The following KLF12 variants were observed in gnomAD, a reference collection of about 807,000 sequenced individuals.
KLF12 encodes the protein Krueppel-like factor 12.
KLF12 carries 9 observed loss-of-function variants against 37.8 expected under a neutral mutation model. The ratio of observed to expected loss-of-function variants is 0.24; its 90% confidence interval spans 0.14 to 0.42. The LOEUF (loss-of-function observed/expected upper bound fraction) is 0.42. Ranked by LOEUF, KLF12 falls within the 10% of genes least tolerant of loss-of-function variation. The probability of loss-of-function intolerance (pLI) is 1.00; values close to 1 mark genes in which losing one functional copy is unlikely to be tolerated. For missense variants in KLF12, 411 were observed against 516.0 expected, an observed-to-expected ratio of 0.80 and a Z score of 1.97; for synonymous variants, 208 against 202.1, an observed-to-expected ratio of 1.03 and a Z score of -0.25.
At chr13:73,865,345 C>A (rs1282507850) in intron 3 of KLF12, among the ~76,000 whole-genome samples, 1 of 152,052 alleles carries the variant, frequency 6.6e-6, no homozygotes, top group Non-Finnish European at 1.5e-5. Flanking sequence ...AAAAGAAAAG[C>A]CCAAATTTCA....
the KLF12 span, among the ~76,000 whole-genome samples, chr13:74,271,532 C>T: frequency 6.6e-6 from 1 of 152,080 alleles, no homozygotes; most frequent in African/African-American, 2.4e-5. Flanking sequence ...GACTGTGTTG[C>T]ATTTATAATA....
intron 1 of KLF12, among the ~76,000 whole-genome samples, chr13:74,092,533 A>C (rs925399960): frequency 6.6e-6 from 1 of 152,030 alleles, no homozygotes; most frequent in Non-Finnish European, 1.5e-5. Context: ...CTGAGGCAGG[A>C]GAAATGCTTG....
chr13:74,003,832 C>T (rs1892344112), intron 1 of KLF12, among the ~76,000 whole-genome samples: 1 of 152,084 alleles, frequency 6.6e-6, no homozygotes, highest in Non-Finnish European at 1.5e-5. Context: ...TTCACAAATA[C>T]TCCAAAAAAT....
chr13:73,856,744 T>C (rs545648874), intron 3 of KLF12, among the ~76,000 whole-genome samples: 62 of 152,048 alleles, frequency 4.1e-4, no homozygotes, highest in Non-Finnish European at 7.8e-4. Flanking sequence ...ATCCCAACAA[T>C]TTGGGAGGCG....
chr13:73,731,577 A>T (rs1008845185), intron 6 of KLF12, among the ~76,000 whole-genome samples: 2 of 149,044 alleles, frequency 1.3e-5, no homozygotes, highest in African/African-American at 2.5e-5. Context: ...TTATTCAGTC[A>T]TTTAACATTC....
At chr13:74,088,225 T>C (rs922286283) in intron 1 of KLF12, among the ~76,000 whole-genome samples, 4 of 152,046 alleles carry the variant, frequency 2.6e-5, no homozygotes, top group African/African-American at 9.7e-5. Flanking sequence ...CAGAGGAATT[T>C]AACCCACCAT....
At chr13:73,981,516 A>G in intron 2 of KLF12, among the ~76,000 whole-genome samples, 1 of 152,238 alleles carries the variant, frequency 6.6e-6, no homozygotes, top group East Asian at 1.9e-4. Context: ...TCATAAAAAT[A>G]TAAACAGTAT....
the KLF12 span, among the ~76,000 whole-genome samples, chr13:74,294,772 C>T: frequency 6.6e-6 from 1 of 152,162 alleles, no homozygotes; most frequent in Admixed American, 6.5e-5. Flanking sequence ...ATATTTCTCT[C>T]TTCTCCATCC....
At chr13:73,800,861 C>CCTAAA (rs1306818638) in intron 5 of KLF12, 10 of 151,998 alleles carry the variant, frequency 6.6e-5, no homozygotes, top group Admixed American at 5.2e-4. Context: ...GTTTAGAATT[C>CCTAAA]CTTTCTCCAC....
the KLF12 span, among the ~76,000 whole-genome samples, chr13:74,182,441 C>A: frequency 1.3e-5 from 2 of 152,192 alleles, no homozygotes; most frequent in Admixed American, 6.5e-5. Context: ...GTTCAAACAG[C>A]CTACAAACAC....
intron 6 of KLF12, among the ~76,000 whole-genome samples, chr13:73,718,141 C>T (rs1476531074): frequency 6.6e-6 from 1 of 152,120 alleles, no homozygotes; most frequent in Non-Finnish European, 1.5e-5. Context: ...TGCATAAACA[C>T]ACACATACAG....
At chr13:74,168,514 G>T in the KLF12 span, among the ~76,000 whole-genome samples, 1 of 152,130 alleles carries the variant, frequency 6.6e-6, no homozygotes, top group African/African-American at 2.4e-5. Context: ...GGTGATATTC[G>T]ACACAGAGAC....
chr13:73,759,786 T>C (rs1428653675), intron 6 of KLF12, among the ~76,000 whole-genome samples: 2 of 152,150 alleles, frequency 1.3e-5, no homozygotes, highest in Non-Finnish European at 1.5e-5. Flanking sequence ...ATTTCCTTTA[T>C]AGCCTTGAAG....
intron 1 of KLF12, among the ~76,000 whole-genome samples, chr13:73,999,593 A>T (rs1187919780): frequency 7.0e-6 from 1 of 143,788 alleles, no homozygotes; most frequent in Non-Finnish European, 1.5e-5. Flanking sequence ...AAAAAAAATT[A>T]GCCAGGCGTG....
chr13:74,215,423 G>A, the KLF12 span, among the ~76,000 whole-genome samples: 3 of 129,256 alleles, frequency 2.3e-5, no homozygotes, highest in African/African-American at 9.1e-5. Context: ...ATTTCCTCTG[G>A]GTTCTTTTTT....
intron 3 of KLF12, among the ~76,000 whole-genome samples, chr13:73,940,478 C>T (rs1460532222): frequency 1.3e-5 from 2 of 152,152 alleles, no homozygotes; most frequent in African/African-American, 4.8e-5. Context: ...CCACACCTAT[C>T]CGGTTCACAT....
At chr13:74,028,359 T>A (rs77256143) in intron 1 of KLF12, among the ~76,000 whole-genome samples, 1 of 152,024 alleles carries the variant, frequency 6.6e-6, no homozygotes, top group East Asian at 1.9e-4. Context: ...TTAAGAAAAA[T>A]GGAAAAAAGA....
At position 73,738,510 on chromosome 13, in the gene KLF12, A is replaced by G. The variant is rs376813032; in HGVS notation, c.870-22985T>C. ...TTTCCATGTATTTTGTGAAAAATCG[A>G]CAAGTAGTAAAAGACACTGTCTCTG... On this transcript the variant is annotated intron_variant, in intron 6 of 7. Transcript: ENST00000377669. Among the ~76,000 whole-genome samples, 43 of 152,128 alleles carry G rather than the reference A, an allele frequency of 2.8e-4. 1 individual carries two copies. In the South Asian group the frequency reaches 3.7e-3, roughly 13 times the overall value.
chr13:74,218,424 C>A, the KLF12 span, among the ~76,000 whole-genome samples: 2 of 152,094 alleles, frequency 1.3e-5, no homozygotes, highest in South Asian at 4.1e-4. Flanking sequence ...AAAGGTAGAT[C>A]CTTCAAAGAG....
Sources: allele counts gnomAD v4.1 joint callset (sites outside exome capture counted in the v4.1 genomes callset), GRCh38; gene constraint gnomAD v4.1.1; transcripts MANE v1.5; gene names NCBI Gene and HGNC (gene_info 2026-07-23, HGNC 2026-07-21).